Variants in ADGRB3 observed in about 807,000 individuals in gnomAD.
ADGRB3 encodes the protein brain-specific angiogenesis inhibitor 3.
A neutral mutation model predicts 193.4 loss-of-function variants in ADGRB3; 37 were observed. The ratio of observed to expected loss-of-function variants is 0.19; its 90% CI spans 0.15 to 0.25. The LOEUF is 0.25. Ranked by LOEUF, ADGRB3 falls within the 10% of genes least tolerant of loss-of-function variation. The probability of loss-of-function intolerance (pLI) is 1.00; values close to 1 mark genes in which losing one functional copy is unlikely to be tolerated. For synonymous variants in ADGRB3, 690 were observed against 644.2 expected (o/e 1.07, Z -1.08); for missense variants, 1,637 against 1,852.9 (o/e 0.88, Z 2.14).
At chr6:68,956,512 A>C in intron 7 of ADGRB3, 133 bp from the exon 8 acceptor site, 1 of 1,205,548 alleles carries the variant, frequency 8.3e-7, no homozygotes, top group Non-Finnish European at 1.2e-6. Context: ...CCTGTAAGTT[A>C]AATATTTGAA....
At chr6:69,048,533 C>G (rs746243224) in intron 14 of ADGRB3, among the ~76,000 whole-genome samples, 199 bp downstream of exon 14, 16 of 152,020 alleles carry the variant, frequency 1.1e-4, no homozygotes, top group Non-Finnish European at 1.9e-4. Flanking sequence ...CAGTCTATTA[C>G]AGTATGAAAA....
chr6:69,176,983 C>T (rs1010370498), intron 17 of ADGRB3, among the ~76,000 whole-genome samples: 10 of 152,108 alleles, frequency 6.6e-5, no homozygotes, highest in African/African-American at 2.4e-4. Context: ...TAGTCACTTT[C>T]GTCATTTCTG....
chr6:68,988,950 T>C (rs956175599), intron 10 of ADGRB3, among the ~76,000 whole-genome samples: 3 of 152,116 alleles, frequency 2.0e-5, no homozygotes, highest in African/African-American at 7.2e-5. Context: ...CAAGAACAGA[T>C]GGAATTAACA....
At chr6:68,743,496 T>G (rs1470088317) in intron 3 of ADGRB3, among the ~76,000 whole-genome samples, 1 of 152,092 alleles carries the variant, frequency 6.6e-6, no homozygotes, top group Admixed American at 6.6e-5. Flanking sequence ...TGTTCTATTT[T>G]TTGAGGCTGA....
At chr6:68,650,984 T>C (rs1768352740) in intron 3 of ADGRB3, among the ~76,000 whole-genome samples, 1 of 152,236 alleles carries the variant, frequency 6.6e-6, no homozygotes, top group African/African-American at 2.4e-5. Context: ...TTACTACTTA[T>C]AAAAATTGTA....
intron 8 of ADGRB3, among the ~76,000 whole-genome samples, chr6:68,959,828 G>A (rs1366208048): frequency 6.6e-6 from 1 of 152,082 alleles, no homozygotes; most frequent in Middle Eastern, 3.2e-3. Context: ...ATAATAAGTG[G>A]TCCAATTTTT....
intron 10 of ADGRB3, among the ~76,000 whole-genome samples, chr6:68,977,033 A>G (rs1307611423): frequency 6.7e-6 from 1 of 148,894 alleles, no homozygotes; most frequent in Non-Finnish European, 1.5e-5. Flanking sequence ...TAAATTCAAA[A>G]ATAGAAATAT....
At chr6:69,141,714 T>C (rs1197635608) in intron 17 of ADGRB3, among the ~76,000 whole-genome samples, 3 of 152,106 alleles carry the variant, frequency 2.0e-5, no homozygotes, top group Non-Finnish European at 2.9e-5. Flanking sequence ...CTACTTTGGA[T>C]GAATAGTCTG....
intron 11 of ADGRB3, among the ~76,000 whole-genome samples, chr6:69,007,242 C>T (rs534089241): frequency 6.6e-6 from 1 of 152,238 alleles, no homozygotes; most frequent in Admixed American, 6.5e-5. Context: ...TCATCTTTGG[C>T]CTCAATAATT....
intron 3 of ADGRB3, among the ~76,000 whole-genome samples, chr6:68,664,066 A>G (rs1416911814): frequency 6.6e-6 from 1 of 151,836 alleles, no homozygotes; most frequent in African/African-American, 2.4e-5. Flanking sequence ...AATATGCTGA[A>G]TGATATTTGT....
intron 13 of ADGRB3, among the ~76,000 whole-genome samples, chr6:69,031,037 C>CT (rs1227663004): frequency 2.7e-5 from 1 of 36,560 alleles, no homozygotes; most frequent in African/African-American, 1.4e-4. Context: ...CTCTTCTCTT[C>CT]TCTCTTCTCT....
intron 3 of ADGRB3, among the ~76,000 whole-genome samples, chr6:68,831,892 A>G (rs1472681850): frequency 6.6e-6 from 1 of 152,114 alleles, no homozygotes; most frequent in Non-Finnish European, 1.5e-5. Context: ...CTAAATTTGT[A>G]GTTTCATAAT....
At chr6:69,353,989 G>A (rs1329537626) in intron 26 of ADGRB3, among the ~76,000 whole-genome samples, 3 of 152,130 alleles carry the variant, frequency 2.0e-5, no homozygotes, top group Non-Finnish European at 4.4e-5. Context: ...CTTGAACCTG[G>A]GAAGCGGAGG....
chr6:68,732,801 C>A (rs562313293), intron 3 of ADGRB3, among the ~76,000 whole-genome samples: 2 of 151,958 alleles, frequency 1.3e-5, no homozygotes, highest in South Asian at 4.1e-4. Context: ...TAAAGGCACT[C>A]GGGTACTTTT....
chr6:68,947,417 C>A (rs1767802022), intron 6 of ADGRB3, among the ~76,000 whole-genome samples: 1 of 151,946 alleles, frequency 6.6e-6, no homozygotes, highest in African/African-American at 2.4e-5. Flanking sequence ...AATAAATTTT[C>A]TTTTATTTCC....
intron 3 of ADGRB3, among the ~76,000 whole-genome samples, chr6:68,799,125 A>G (rs1767266561): frequency 6.6e-6 from 1 of 152,308 alleles, no homozygotes; most frequent in African/African-American, 2.4e-5. Flanking sequence ...GAGGGAGTAC[A>G]CATTTAGATA....
chr6:68,661,415 GTA>G lies in ADGRB3; in HGVS notation c.757+21991_757+21992del, dbSNP rs1491198337. 1.5e-4 allele frequency among the ~76,000 whole-genome samples: 10 copies of G among 68,452 alleles called. 1 individual carries two copies. Among genetic ancestry groups the G allele is most frequent in the Admixed American group, 3.4e-4 (2 of 5,872 alleles). The allele number at this position is 68,452 out of a possible 152,430, so 44.9% of individuals were successfully genotyped here. On this transcript the variant is annotated intron_variant, in intron 3 of 31. Coordinates refer to ENST00000370598, the MANE Select transcript of ADGRB3 (RefSeq NM_001704.3). ...TGTGTGTATACATATATATGTGTGTGTATATATATGTGTATACATATATATAT... is the reference window on the plus strand; with the variant it reads ...TGTGTGTATACATATATATGTGTGTGTATATATGTGTATACATATATATAT...
At chr6:68,953,886 T>C (rs1235235506) in intron 6 of ADGRB3, among the ~76,000 whole-genome samples, 2 of 152,214 alleles carry the variant, frequency 1.3e-5, no homozygotes, top group East Asian at 3.8e-4. Context: ...TTTGAAACTT[T>C]AGATTTGTGG....
intron 3 of ADGRB3, among the ~76,000 whole-genome samples, chr6:68,749,429 T>G (rs1766150820): frequency 6.6e-6 from 1 of 151,448 alleles, no homozygotes; most frequent in African/African-American, 2.4e-5. Flanking sequence ...TGTGTGTGTG[T>G]GTGTGTGTGT....
Sources: gnomAD v4.1 joint callset for allele counts (sites outside exome capture counted in the v4.1 genomes callset) on GRCh38, gnomAD v4.1.1 for gene constraint, MANE v1.5 for transcripts, NCBI Gene and HGNC (gene_info 2026-07-23, HGNC 2026-07-21) for gene names.